Variants in FOCAD observed in about 807,000 individuals in gnomAD.
The protein encoded by FOCAD is focadhesin.
In FOCAD, 198 loss-of-function variants were observed where a neutral mutation model predicts 225.6. The ratio of observed to expected loss-of-function variants is 0.88; its 90% CI spans 0.78 to 0.99. The LOEUF (loss-of-function observed/expected upper bound fraction) is 0.99. Among genes scored for constraint, FOCAD ranks in the 50% least tolerant of loss-of-function variants. The pLI is 0.00. For synonymous variants in FOCAD, 897 were observed against 755.0 expected, an observed-to-expected ratio of 1.19 and a Z score of -3.08; for missense variants, 2,713 against 2,123.6, an observed-to-expected ratio of 1.28 and a Z score of -5.46.
intron 5 of FOCAD, among the ~76,000 whole-genome samples, chr9:20,750,663 A>G (rs1157887702): frequency 1.3e-5 from 2 of 152,180 alleles, no homozygotes; most frequent in Admixed American, 6.6e-5. Flanking sequence ...TCTATTGGCT[A>G]TCTCAGGAGT....
intron 2 of FOCAD, among the ~76,000 whole-genome samples, chr9:20,663,517 T>C (rs1162676035): frequency 3.6e-5 from 5 of 138,090 alleles, no homozygotes; most frequent in Non-Finnish European, 6.3e-5. Context: ...ATACACACAG[T>C]TTATGACTAT....
chr9:20,896,479 CAT>C (rs1248923946), intron 21 of FOCAD, among the ~76,000 whole-genome samples: 1 of 151,830 alleles, frequency 6.6e-6, no homozygotes, highest in African/African-American at 2.4e-5. Context: ...CCAGTGAACA[CAT>C]GTGGGAGTGG....
chr9:20,978,528 G>A (rs1053504583), intron 37 of FOCAD, 74 bp downstream of exon 37: 29 of 1,044,044 alleles, frequency 2.8e-5, no homozygotes, highest in Non-Finnish European at 3.9e-5. Context: ...TCATTTGGGT[G>A]TGTGTTCTCA....
intron 29 of FOCAD, among the ~76,000 whole-genome samples, chr9:20,946,086 TTCATTCATTC>T (rs1564188979): frequency 1.3e-3 from 113 of 87,428 alleles, no homozygotes; most frequent in Non-Finnish European, 1.8e-3. Flanking sequence ...TATTTATTCA[TTCATTCATTC>T]ATTCATTCAT....
intron 41 of FOCAD, among the ~76,000 whole-genome samples, chr9:20,988,885 A>G (rs1416767054): frequency 2.6e-5 from 4 of 152,084 alleles, no homozygotes; most frequent in Non-Finnish European, 5.9e-5. Flanking sequence ...AGGTTCCTGG[A>G]GTGTATGCAG....
chr9:20,708,107 C>G (rs375192924), intron 1 of FOCAD, among the ~76,000 whole-genome samples: 2 of 152,086 alleles, frequency 1.3e-5, no homozygotes, highest in Non-Finnish European at 1.5e-5. Flanking sequence ...GTTGGTGACT[C>G]TAGAATCCAC....
In FOCAD at chr9:20,950,923, T is replaced by G. The variant is rs140073298; in HGVS notation, c.3949-73T>G. ...CCACCTCCTAAATGACTGGTGACTT[T>G]CTGTGAGTGACCTTTTATTGAATGG... On this transcript the variant is annotated intron_variant, in intron 33 of 43. Transcript: ENST00000338382. The G allele has an allele frequency of 9.1e-5, 121 of 1,331,342 alleles. No individual in the cohort carries two copies. The African/African-American group carries it at 1.6e-3, about 18-fold the overall frequency. The allele number at this position is 1,331,342 out of a possible 1,614,324, so 82.5% of individuals were successfully genotyped here.
rs544409174 is a variant in FOCAD, at chr9:20,731,038, C to G, written c.288-9198C>G. 1.2e-4 allele frequency among the ~76,000 whole-genome samples: 19 copies of G among 152,242 alleles called. No homozygotes were observed. In the South Asian group the frequency reaches 3.9e-3, roughly 32 times the overall value. On this transcript the variant is annotated intron_variant, in intron 4 of 43. Transcript: ENST00000338382. ...ATCACCTGAGGTCAGGAGTTTAAGA[C>G]CAGCCTGGCCAACATGGCAAAACCC...
At chr9:20,726,934 A>T (rs939853653) in intron 4 of FOCAD, among the ~76,000 whole-genome samples, 1 of 152,170 alleles carries the variant, frequency 6.6e-6, no homozygotes, top group Admixed American at 6.5e-5. Context: ...GGATGCCTTT[A>T]TGAGGTTTCC....
intron 21 of FOCAD, among the ~76,000 whole-genome samples, chr9:20,904,758 G>A (rs1327560856): frequency 1.3e-5 from 2 of 151,976 alleles, no homozygotes; most frequent in African/African-American, 4.8e-5. Flanking sequence ...TTTATCATCT[G>A]CTGAATAACT....
At chr9:20,789,669 T>A in intron 11 of FOCAD, 61 bp downstream of exon 11, 1 of 1,576,754 alleles carries the variant, frequency 6.3e-7, no homozygotes, top group Non-Finnish European at 8.7e-7. Context: ...GAAATGTAGA[T>A]TATTCCTGCT....
At chr9:20,870,688 T>A (rs979660036) in intron 18 of FOCAD, among the ~76,000 whole-genome samples, 4 of 152,188 alleles carry the variant, frequency 2.6e-5, no homozygotes, top group Admixed American at 2.0e-4. Context: ...ACTGATATTC[T>A]ATAGTGTTCT....
chr9:20,951,250 A>T (rs1564195725), intron 34 of FOCAD, 152 bp downstream of exon 34: 1 of 633,186 alleles, frequency 1.6e-6, no homozygotes, highest in East Asian at 2.7e-5. Flanking sequence ...GTGTATGGAA[A>T]GGCTTCCTGA....
intron 21 of FOCAD, among the ~76,000 whole-genome samples, chr9:20,887,855 T>G (rs1251804909): frequency 6.6e-6 from 1 of 152,186 alleles, no homozygotes; most frequent in East Asian, 1.9e-4. Flanking sequence ...GTGCTTGATA[T>G]AGTCAATTAA....
intron 11 of FOCAD, among the ~76,000 whole-genome samples, chr9:20,810,451 A>C (rs1822939533): frequency 6.6e-6 from 1 of 152,104 alleles, no homozygotes; most frequent in African/African-American, 2.4e-5. Context: ...ATTGGCTTTT[A>C]ACTTTTATTT....
At chr9:20,914,217 C>T (rs757590670) in intron 23 of FOCAD, among the ~76,000 whole-genome samples, 3 of 152,116 alleles carry the variant, frequency 2.0e-5, no homozygotes, top group Admixed American at 6.6e-5. Context: ...AAAGTCATCA[C>T]TTGATTTATT....
intron 2 of FOCAD, among the ~76,000 whole-genome samples, chr9:20,676,524 C>A (rs1414538132): frequency 6.6e-6 from 1 of 152,146 alleles, no homozygotes; most frequent in Non-Finnish European, 1.5e-5. Flanking sequence ...ATGGTAAAGT[C>A]ATTTTAACAA....
intron 21 of FOCAD, among the ~76,000 whole-genome samples, chr9:20,887,021 C>G (rs1044658321): frequency 6.6e-6 from 1 of 152,156 alleles, no homozygotes; most frequent in African/African-American, 2.4e-5. Flanking sequence ...TCTTCTCTCC[C>G]AGGTTAATCA....
chr9:20,838,022 G>A (rs904006247), intron 15 of FOCAD, among the ~76,000 whole-genome samples: 2 of 152,108 alleles, frequency 1.3e-5, no homozygotes, highest in African/African-American at 4.8e-5. Flanking sequence ...TCTTTTCATA[G>A]TTATATAATT....
Sources: allele counts gnomAD v4.1 joint callset (sites outside exome capture counted in the v4.1 genomes callset), GRCh38; gene constraint gnomAD v4.1.1; transcripts MANE v1.5; gene names NCBI Gene and HGNC (gene_info 2026-07-23, HGNC 2026-07-21).